The following MARCHF1 variants were observed in gnomAD, a reference collection of about 807,000 sequenced individuals.
The protein encoded by MARCHF1 is E3 ubiquitin-protein ligase MARCHF1.
A neutral mutation model predicts 54.2 loss-of-function variants in MARCHF1; 40 were observed. The ratio of observed to expected loss-of-function variants is 0.74; its 90% CI spans 0.57 to 0.96. MARCHF1 has a LOEUF of 0.96. Ranked by LOEUF, MARCHF1 falls within the 40% of genes least tolerant of loss-of-function variation. The pLI is 0.00. For missense variants in MARCHF1, 586 were observed against 656.5 expected (o/e 0.89, Z 1.17); for synonymous variants, 236 against 236.3 (o/e 1.00, Z 0.01).
intron 3 of MARCHF1, among the ~76,000 whole-genome samples, chr4:163,976,169 A>G (rs1026400490): frequency 6.6e-6 from 1 of 152,172 alleles, no homozygotes; most frequent in Non-Finnish European, 1.5e-5. Context: ...GTATGTCTCT[A>G]ATTTTTCCTT....
chr4:163,668,218 A>G (rs560770901), intron 5 of MARCHF1, among the ~76,000 whole-genome samples: 22 of 152,130 alleles, frequency 1.4e-4, no homozygotes, highest in Non-Finnish European at 3.2e-4. Context: ...ATCCAGTTTC[A>G]CAAATTTCAC....
At chr4:163,975,095 G>T (rs1027931558) in intron 3 of MARCHF1, among the ~76,000 whole-genome samples, 8 of 150,976 alleles carry the variant, frequency 5.3e-5, no homozygotes, top group African/African-American at 2.0e-4. Context: ...AACTTTCCTT[G>T]TTCTCCAGCT....
intron 1 of MARCHF1, among the ~76,000 whole-genome samples, chr4:164,232,279 A>G (rs1293274472): frequency 1.3e-5 from 2 of 152,170 alleles, no homozygotes; most frequent in African/African-American, 4.8e-5. Flanking sequence ...TATGCCCATT[A>G]CTAGAAAACA....
chr4:163,982,356 G>A (rs1227146066), intron 3 of MARCHF1, among the ~76,000 whole-genome samples: 2 of 152,196 alleles, frequency 1.3e-5, no homozygotes, highest in Admixed American at 1.3e-4. Flanking sequence ...TTAATACAGA[G>A]CATTAACCTG....
At chr4:164,320,154 G>A (rs1735104131) in intron 1 of MARCHF1, among the ~76,000 whole-genome samples, 2 of 152,224 alleles carry the variant, frequency 1.3e-5, no homozygotes, top group Admixed American at 6.5e-5. Flanking sequence ...ACTATTTTAG[G>A]TGCTGGAGAA....
chr4:164,367,670 C>T lies in MARCHF1; in HGVS notation c.-323+16200G>A, dbSNP rs1422123519. Among the ~76,000 whole-genome samples the T allele has an allele frequency of 2.6e-5, 4 of 150,994 alleles. No individual in the cohort carries two copies. In the East Asian group the frequency reaches 7.8e-4, roughly 29 times the overall value. ...TCTTTTTTACCTTTATTTTCTTTTT[C>T]CAATTTTCTACAACGTTTGTTTACA... is the stretch of plus-strand genomic sequence containing the variant. On this transcript the variant is annotated intron_variant, in intron 1 of 9. Transcript: ENST00000514618.
At chr4:164,139,341 A>C (rs1457186885) in intron 1 of MARCHF1, among the ~76,000 whole-genome samples, 1 of 152,216 alleles carries the variant, frequency 6.6e-6, no homozygotes, top group Non-Finnish European at 1.5e-5. Flanking sequence ...CTGATCTTTA[A>C]AAGGTTTTGA....
At chr4:164,253,736 A>G (rs750537657) in intron 1 of MARCHF1, among the ~76,000 whole-genome samples, 147 of 152,304 alleles carry the variant, frequency 9.7e-4, no homozygotes, top group Non-Finnish European at 1.5e-3. Flanking sequence ...AAATGTTTAT[A>G]ACTGCTTTAT....
intron 1 of MARCHF1, among the ~76,000 whole-genome samples, chr4:164,336,180 A>G (rs182151237): frequency 1.5e-3 from 224 of 152,294 alleles, no homozygotes; most frequent in Non-Finnish European, 2.5e-3. Flanking sequence ...TAGATGAGAG[A>G]TGAAACAACC....
chr4:163,913,091 A>G (rs192349867), intron 3 of MARCHF1, among the ~76,000 whole-genome samples: 1 of 152,326 alleles, frequency 6.6e-6, no homozygotes, highest in East Asian at 1.9e-4. Flanking sequence ...TGAGACATTC[A>G]AAGTGTAAGG....
At chr4:163,817,302 C>CATATATATGTACATATACACAT (rs1748560916) in intron 4 of MARCHF1, among the ~76,000 whole-genome samples, 1 of 150,950 alleles carries the variant, frequency 6.6e-6, no homozygotes, top group African/African-American at 2.5e-5. Context: ...CATATACATA[C>CATATATATGTACATATACACAT]ATACATATAT....
intron 3 of MARCHF1, among the ~76,000 whole-genome samples, chr4:163,907,996 T>C (rs1039268411): frequency 3.9e-5 from 6 of 152,122 alleles, no homozygotes; most frequent in African/African-American, 1.4e-4. Flanking sequence ...TGGCTACATA[T>C]AGCATGCTTC....
intron 1 of MARCHF1, among the ~76,000 whole-genome samples, chr4:164,268,025 C>T (rs1417436823): frequency 6.6e-6 from 1 of 152,100 alleles, no homozygotes; most frequent in African/African-American, 2.4e-5. Context: ...AATAAATCAT[C>T]AAAGCAAGCT....
intron 1 of MARCHF1, among the ~76,000 whole-genome samples, chr4:164,192,089 C>G (rs927850369): frequency 3.3e-5 from 5 of 152,030 alleles, no homozygotes; most frequent in Non-Finnish European, 2.9e-5. Context: ...AGGTAGAAAA[C>G]TGACATTGCA....
In MARCHF1 at chr4:164,033,625, G is replaced by A. The variant is rs571151419; in HGVS notation, c.-247-44916C>T. Among the ~76,000 whole-genome samples the A allele has an allele frequency of 6.6e-5, 10 of 152,166 alleles. No individual in the cohort carries two copies. In the South Asian group the frequency reaches 2.1e-3, roughly 32 times the overall value. On this transcript the variant is annotated intron_variant, in intron 2 of 9. Transcript: ENST00000514618. ...AGAAAGTGGGCAAAGTATATGAACA[G>A]GCACTTCTCAAAAGAATACATTTAT...
chr4:164,161,545 T>TCATCAGCAGCAG (rs765753027), intron 1 of MARCHF1, among the ~76,000 whole-genome samples: 1 of 150,788 alleles, frequency 6.6e-6, no homozygotes, highest in Non-Finnish European at 1.5e-5. Flanking sequence ...ATCATCATCA[T>TCATCAGCAGCAG]CAGCAGCAGC....
chr4:163,537,287 TAGACTAGTCAG>T (rs1332228957), intron 9 of MARCHF1, among the ~76,000 whole-genome samples: 1 of 152,196 alleles, frequency 6.6e-6, no homozygotes, highest in East Asian at 1.9e-4. Context: ...TACATTCTGT[TAGACTAGTCAG>T]TTTCTATGCT....
chr4:164,078,300 T>C (rs1284475570), intron 2 of MARCHF1, among the ~76,000 whole-genome samples: 1 of 152,074 alleles, frequency 6.6e-6, no homozygotes, highest in Non-Finnish European at 1.5e-5. Context: ...ACACCGCATG[T>C]TCTCACTCAT....
At chr4:163,992,492 G>A (rs560592874) in intron 2 of MARCHF1, among the ~76,000 whole-genome samples, 5 of 152,050 alleles carry the variant, frequency 3.3e-5, no homozygotes, top group Admixed American at 3.3e-4. Flanking sequence ...TCTTAAGGAC[G>A]AATTGAGGCC....
Sources: allele counts gnomAD v4.1 joint callset (sites outside exome capture counted in the v4.1 genomes callset), GRCh38; gene constraint gnomAD v4.1.1; transcripts MANE v1.5; gene names NCBI Gene and HGNC (gene_info 2026-07-23, HGNC 2026-07-21).